The following ACOT7 variants were observed in gnomAD, a reference collection of about 807,000 sequenced individuals.
ACOT7 encodes acyl-CoA thioesterase 7.
In ACOT7, 12 loss-of-function variants were observed where a neutral mutation model predicts 40.2. The observed-to-expected ratio is 0.30, with a 90% CI of 0.19 to 0.48. ACOT7 has a LOEUF of 0.48. Ranked by LOEUF, ACOT7 falls within the 20% of genes least tolerant of loss-of-function variation. The pLI, the probability that ACOT7 is intolerant of heterozygous loss-of-function variation, is 0.99. For synonymous variants in ACOT7, 228 were observed against 219.5 expected, an observed-to-expected ratio of 1.04 and a Z score of -0.34; for missense variants, 395 against 530.8, an observed-to-expected ratio of 0.74 and a Z score of 2.51.
chr1:6,393,402 A>AG lies in ACOT7; in HGVS notation c.-4dup, dbSNP rs1373321276. The AG allele has an allele frequency of 1.6e-6, 2 of 1,226,846 alleles. No individual in the cohort carries two copies. Among genetic ancestry groups the AG allele is most frequent in the East Asian group, 3.2e-5 (1 of 31,074 alleles). 76.0% of individuals were successfully genotyped at this position (1,226,846 alleles called of 1,614,324 possible). A position where few individuals can be genotyped will look rare whatever the true frequency, so the allele number is the denominator to read the frequency against. On this transcript the variant is annotated 5_prime_UTR_variant, in exon 1 of 9. Coordinates refer to ENST00000361521, the MANE Select transcript of ACOT7 (RefSeq NM_007274.4). ...TGAATGAGCCCGGGCCGCGCCATAA[A>AG]GGGGGAGGGCAGAGGTGGAGCGATG...
At position 6,352,463 on chromosome 1, in the gene ACOT7, G is replaced by C. The variant is rs1409914881; in HGVS notation, c.144-2597C>G. 1.3e-5 allele frequency among the ~76,000 whole-genome samples: 2 copies of C among 152,222 alleles called. No homozygotes were observed. Among genetic ancestry groups the C allele is most frequent in the Non-Finnish European group, 2.9e-5 (2 of 68,034 alleles). ...GTCACTCTCTCAGGCCCCGCCCCAT[G>C]GCCTGGCCAAGGCCAACCGTGTCCA... On this transcript the variant is annotated intron_variant, in intron 1 of 8. Coordinates refer to ENST00000361521, the MANE Select transcript of ACOT7 (RefSeq NM_007274.4). This position sits in a 1 kb window ranked among gnomAD's most constrained non-coding sequence, Gnocchi z 4.5.
At chr1:6,319,565 T>C (rs1640587995) in intron 5 of ACOT7, among the ~76,000 whole-genome samples, 1 of 152,260 alleles carries the variant, frequency 6.6e-6, no homozygotes, top group Non-Finnish European at 1.5e-5. Context: ...GGAATTACCA[T>C]GAGCTCTTCG....
In ACOT7 at chr1:6,292,664, TG is replaced by T. The variant is rs1341015729; in HGVS notation, c.829+2199del. On this transcript the variant is annotated intron_variant, in intron 7 of 8. Coordinates refer to ENST00000361521, the MANE Select transcript of ACOT7 (RefSeq NM_007274.4). ...TACAAGGAGTTAAGGGTGGGGACTTTGTTTTTTTTTTGTTTTTTTGTGTTTT... is the reference window on the plus strand; with the variant it reads ...TACAAGGAGTTAAGGGTGGGGACTTTTTTTTTTTTTGTTTTTTTGTGTTTT... Among the ~76,000 whole-genome samples, 5 of 148,634 alleles carry T rather than the reference TG, an allele frequency of 3.4e-5. No individual in the cohort carries two copies. In the South Asian group the frequency reaches 1.0e-3, roughly 31 times the overall value.
At chr1:6,268,414 A>G (rs1638916492) in intron 8 of ACOT7, among the ~76,000 whole-genome samples, 3 of 152,206 alleles carry the variant, frequency 2.0e-5, no homozygotes, top group Non-Finnish European at 4.4e-5. Context: ...AAAGCTAGAA[A>G]AGCAAAAAAC....
In ACOT7 at chr1:6,299,864, C is replaced by T. The variant is rs985148146; in HGVS notation, c.713-4884G>A. Among the ~76,000 whole-genome samples, 5 of 152,218 alleles carry T rather than the reference C, an allele frequency of 3.3e-5. No homozygotes were observed. The highest frequency in any genetic ancestry group is 1.9e-4 in the East Asian group (1 of 5,198). ...AGCACAGGTGTGCCACGGAATTCCACGGCATTTCCCACAGACCAACTCTAA... is the reference window on the plus strand; with the variant it reads ...AGCACAGGTGTGCCACGGAATTCCATGGCATTTCCCACAGACCAACTCTAA... On this transcript the variant is annotated intron_variant, in intron 6 of 8. Transcript: ENST00000361521. The surrounding 1 kb of genome is among the most constrained non-coding windows in gnomAD (Gnocchi z 4.1).
chr1:6,328,984 C>T (rs1054500951), intron 4 of ACOT7, among the ~76,000 whole-genome samples: 30 of 152,152 alleles, frequency 2.0e-4, no homozygotes, highest in African/African-American at 6.0e-4. Context: ...TCTGATTAGC[C>T]TCCACTTCTG....
chr1:6,387,355 T>A lies in ACOT7; in HGVS notation c.143+5902A>T, dbSNP rs182874743. 7.4e-4 allele frequency among the ~76,000 whole-genome samples: 113 copies of A among 152,078 alleles called. 2 individuals carry two copies. Among genetic ancestry groups the A allele is most frequent in the Admixed American group, 7.3e-3 (112 of 15,264 alleles). ...AAAGCAAACTACAAAACAATTATCC[T>A]ACCTTAAAAAAAAAAGCAGTGATTC... is the stretch of plus-strand genomic sequence containing the variant. On this transcript the variant is annotated intron_variant, in intron 1 of 8. Coordinates refer to ENST00000361521, the MANE Select transcript of ACOT7 (RefSeq NM_007274.4).
At chr1:6,368,545 C>T (rs1417744842) in intron 1 of ACOT7, among the ~76,000 whole-genome samples, 1 of 152,208 alleles carries the variant, frequency 6.6e-6, no homozygotes, top group Non-Finnish European at 1.5e-5. Context: ...TGCTGCTTCC[C>T]CACCAGCAGG....
At position 6,297,882 on chromosome 1, in the gene ACOT7, A is replaced by G. The variant is rs1188175428; in HGVS notation, c.713-2902T>C. 2.0e-5 allele frequency among the ~76,000 whole-genome samples: 3 copies of G among 152,040 alleles called. No homozygotes were observed. The East Asian group carries it at 5.8e-4, about 29-fold the overall frequency. On this transcript the variant is annotated intron_variant, in intron 6 of 8. Coordinates refer to ENST00000361521, the MANE Select transcript of ACOT7 (RefSeq NM_007274.4). ...TACCCAGGGGCTTGGGATGCTCTAC[A>G]CTCTGCTTTTGTGTATATCTGAGCA...
In ACOT7 at chr1:6,309,296, G is replaced by T. The variant is rs1392191218; in HGVS notation, c.712+9196C>A. Among the ~76,000 whole-genome samples, 3 of 152,160 alleles carry T rather than the reference G, an allele frequency of 2.0e-5. No homozygotes were observed. The East Asian group carries it at 5.8e-4, about 29-fold the overall frequency. Reference sequence around the variant, plus strand: ...AGCTCTGATGGCCCAAACTTTACAGGTTCTGTGTTGGTAAAGACTTGGATT... The same window carrying T: ...AGCTCTGATGGCCCAAACTTTACAGTTTCTGTGTTGGTAAAGACTTGGATT... On this transcript the variant is annotated intron_variant, in intron 6 of 8. Transcript: ENST00000361521.
chr1:6,271,944 C>T (rs1571257377), intron 8 of ACOT7, among the ~76,000 whole-genome samples: 1 of 152,278 alleles, frequency 6.6e-6, no homozygotes, highest in East Asian at 1.9e-4. Flanking sequence ...GGGTGGTGGC[C>T]TCTCAGGAGC....
At chr1:6,382,267 G>A (rs1177337244) in intron 1 of ACOT7, among the ~76,000 whole-genome samples, 1 of 151,798 alleles carries the variant, frequency 6.6e-6, no homozygotes, top group Non-Finnish European at 1.5e-5. Flanking sequence ...AGCTGGGCGT[G>A]GTGGCGGGCA....
intron 2 of ACOT7, among the ~76,000 whole-genome samples, chr1:6,343,703 G>A (rs907731503): frequency 4.6e-5 from 7 of 152,280 alleles, no homozygotes; most frequent in African/African-American, 1.7e-4. Flanking sequence ...ATCTTGGAAG[G>A]AGCCAAGCAC....
chr1:6,327,929 A>G (rs1426326521), intron 4 of ACOT7, among the ~76,000 whole-genome samples: 2 of 151,984 alleles, frequency 1.3e-5, no homozygotes, highest in Non-Finnish European at 2.9e-5. Context: ...GCCCGCCACC[A>G]TGCCCGGCTA....
intron 1 of ACOT7, chr1:6,360,604 C>T: frequency 1.2e-6 from 2 of 1,614,234 alleles, no homozygotes; most frequent in Non-Finnish European, 1.7e-6. Context: ...GCCCTGTCGA[C>T]TTCCTTTCTG....
In ACOT7 at chr1:6,378,695, C is replaced by T. The variant is rs981276980; in HGVS notation, c.143+14562G>A. Among the ~76,000 whole-genome samples the T allele has an allele frequency of 4.0e-5, 6 of 151,856 alleles. No individual in the cohort carries two copies. In the East Asian group the frequency reaches 5.8e-4, roughly 15 times the overall value. On this transcript the variant is annotated intron_variant, in intron 1 of 8. Transcript: ENST00000361521. Reference sequence around the variant, plus strand: ...CCTACCCCCAGGGAGGCCCAGACAGCGAGAGCCTATCATGTGCCATGGGAC... The same window carrying T: ...CCTACCCCCAGGGAGGCCCAGACAGTGAGAGCCTATCATGTGCCATGGGAC...
At chr1:6,316,201 C>A (rs188012179) in intron 6 of ACOT7, among the ~76,000 whole-genome samples, 1 of 152,282 alleles carries the variant, frequency 6.6e-6, no homozygotes, top group East Asian at 1.9e-4. Flanking sequence ...TCGGAAGTGG[C>A]AGAAGCCTGG....
intron 7 of ACOT7, 122 bp from the exon 8 acceptor site, chr1:6,281,408 AC>A: frequency 1.3e-6 from 1 of 779,458 alleles, no homozygotes; most frequent in Non-Finnish European, 2.2e-6. Context: ...TTGGCTGACT[AC>A]CAGATGTTCA....
chr1:6,306,153 C>T lies in ACOT7; in HGVS notation c.713-11173G>A, dbSNP rs1371802552. 8 of 761,968 alleles carry T rather than the reference C, an allele frequency of 1.0e-5. No individual in the cohort carries two copies. Among genetic ancestry groups the T allele is most frequent in the Admixed American group, 1.3e-4 (2 of 14,874 alleles). The allele number at this position is 761,968 out of a possible 1,614,324, so 47.2% of individuals were successfully genotyped here. A position where few individuals can be genotyped will look rare whatever the true frequency, so the allele number is the denominator to read the frequency against. On this transcript the variant is annotated intron_variant, in intron 6 of 8. Transcript: ENST00000361521. This position sits in a 1 kb window ranked among gnomAD's most constrained non-coding sequence, Gnocchi z 4.3. ...AGATGGCAGCAGCACAGTCCAGCTT[C>T]GGCTCGGCATCAGAGGGAGACCGTG...
Sources: allele counts gnomAD v4.1 joint callset (sites outside exome capture counted in the v4.1 genomes callset), GRCh38; gene constraint gnomAD v4.1.1; non-coding constraint Gnocchi (gnomAD v3.1); transcripts MANE v1.5; gene names NCBI Gene and HGNC (gene_info 2026-07-23, HGNC 2026-07-21).